The following ENPP2 variants were observed in gnomAD, a reference collection of about 807,000 sequenced individuals.
ENPP2 encodes ectonucleotide pyrophosphatase/phosphodiesterase 2.
In ENPP2, 51 loss-of-function variants were observed where a neutral mutation model predicts 120.2. The observed-to-expected ratio is 0.42, with a 90% confidence interval of 0.34 to 0.54. ENPP2 has a LOEUF of 0.54. Ranked by LOEUF, ENPP2 falls within the 20% of genes least tolerant of loss-of-function variation. ENPP2 has a pLI of 0.04. For missense variants in ENPP2, 920 were observed against 1,066.5 expected (o/e 0.86, Z 1.91); for synonymous variants, 365 against 366.4 (o/e 1.00, Z 0.04).
intron 9 of ENPP2, among the ~76,000 whole-genome samples, chr8:119,602,440 A>G (rs1473367343): frequency 1.4e-5 from 2 of 146,914 alleles, no homozygotes; most frequent in Middle Eastern, 3.4e-3. Flanking sequence ...CTGGGCAACA[A>G]GAGTGAAACT....
chr8:119,576,417 T>C (rs1205004325), intron 19 of ENPP2, among the ~76,000 whole-genome samples: 3 of 152,192 alleles, frequency 2.0e-5, no homozygotes, highest in Non-Finnish European at 2.9e-5. Flanking sequence ...GGATTACAAG[T>C]GTGAGCCACT....
chr8:119,650,412 G>A (rs990000298), intron 1 of ENPP2, among the ~76,000 whole-genome samples: 15 of 152,202 alleles, frequency 9.9e-5, no homozygotes, highest in Middle Eastern at 3.4e-3. Flanking sequence ...ATGTTTGCAC[G>A]TCTCTGTAAA....
At chr8:119,606,008 G>A (rs760424650) in intron 9 of ENPP2, among the ~76,000 whole-genome samples, 4 of 152,222 alleles carry the variant, frequency 2.6e-5, no homozygotes, top group Non-Finnish European at 4.4e-5. Flanking sequence ...CTAGGTTGCA[G>A]TACGGAACCA....
intron 23 of ENPP2, among the ~76,000 whole-genome samples, 197 bp downstream of exon 23, chr8:119,564,626 C>T (rs553578068): frequency 4.0e-5 from 6 of 151,474 alleles, no homozygotes; most frequent in Non-Finnish European, 7.4e-5. Flanking sequence ...TGCAGTGAGC[C>T]GAGATCACAT....
At chr8:119,666,252 C>T (rs1818065188) in intron 1 of ENPP2, among the ~76,000 whole-genome samples, 1 of 151,998 alleles carries the variant, frequency 6.6e-6, no homozygotes. Context: ...CCACAAAATG[C>T]ATCCATCACT....
intron 24 of ENPP2, among the ~76,000 whole-genome samples, chr8:119,562,304 A>G (rs1196153322): frequency 4.8e-4 from 65 of 136,720 alleles, no homozygotes; most frequent in Middle Eastern, 5.2e-3. Flanking sequence ...TTAGCTGGGC[A>G]TGGTGGTGCC....
chr8:119,574,470 C>A (rs1420309265), intron 19 of ENPP2, among the ~76,000 whole-genome samples: 1 of 151,782 alleles, frequency 6.6e-6, no homozygotes, highest in Non-Finnish European at 1.5e-5. Context: ...CACCCCAGTT[C>A]CCTGTTTACA....
intron 11 of ENPP2, among the ~76,000 whole-genome samples, chr8:119,599,690 A>G (rs1814149230): frequency 6.6e-6 from 1 of 152,178 alleles, no homozygotes; most frequent in Non-Finnish European, 1.5e-5. Context: ...TTCCACAATG[A>G]TGGCTGAGTG....
intron 1 of ENPP2, among the ~76,000 whole-genome samples, chr8:119,651,759 T>C (rs1160827509): frequency 6.6e-6 from 1 of 152,116 alleles, no homozygotes; most frequent in Non-Finnish European, 1.5e-5. Flanking sequence ...ACCAGAACCT[T>C]GGGCATCCTG....
At chr8:119,612,625 C>A (rs1056320493) in intron 8 of ENPP2, among the ~76,000 whole-genome samples, 2 of 152,210 alleles carry the variant, frequency 1.3e-5, no homozygotes, top group Non-Finnish European at 2.9e-5. Flanking sequence ...CAGTTGGGAT[C>A]ACGCCTGTAA....
intron 2 of ENPP2, among the ~76,000 whole-genome samples, chr8:119,628,979 C>T (rs1330636276): frequency 6.6e-6 from 1 of 152,076 alleles, no homozygotes; most frequent in Non-Finnish European, 1.5e-5. Flanking sequence ...CAGGTAGTTG[C>T]CTGGTCTTTT....
At chr8:119,573,408 TAAAA>T (rs35227070) in intron 19 of ENPP2, among the ~76,000 whole-genome samples, 8 of 124,384 alleles carry the variant, frequency 6.4e-5, no homozygotes, top group African/African-American at 2.0e-4. Context: ...CTCCGTCTCT[TAAAA>T]AAAAAAAAAA....
At chr8:119,663,597 G>C (rs112898732) in intron 1 of ENPP2, among the ~76,000 whole-genome samples, 1,770 of 152,092 alleles carry the variant, frequency 0.012, 42 homozygotes, top group African/African-American at 0.04. Context: ...TGCATAACAG[G>C]GATAACCTAA....
chr8:119,580,272 A>G, intron 18 of ENPP2, 105 bp from the exon 19 acceptor site: 4 of 836,058 alleles, frequency 4.8e-6, no homozygotes, highest in Non-Finnish European at 8.3e-6. Flanking sequence ...TCAAAAGCGA[A>G]CTCTAAACTC....
intron 19 of ENPP2, among the ~76,000 whole-genome samples, chr8:119,574,360 G>A (rs113025077): frequency 1.0e-3 from 154 of 151,396 alleles, no homozygotes; most frequent in African/African-American, 3.6e-3. Context: ...CTCTGCTTCT[G>A]CAATATGTTT....
chr8:119,562,276 C>T (rs1380366130), intron 24 of ENPP2, among the ~76,000 whole-genome samples: 2 of 151,920 alleles, frequency 1.3e-5, no homozygotes, highest in Non-Finnish European at 2.9e-5. Flanking sequence ...AACCCCATCT[C>T]TACTAAAAAT....
chr8:119,577,527 G>A (rs944311118), intron 19 of ENPP2, among the ~76,000 whole-genome samples: 4 of 152,224 alleles, frequency 2.6e-5, no homozygotes, highest in Non-Finnish European at 4.4e-5. Context: ...ACAGCGATAG[G>A]AGAGAGCAAC....
At chr8:119,663,336 T>C (rs548208801) in intron 1 of ENPP2, among the ~76,000 whole-genome samples, 1 of 152,228 alleles carries the variant, frequency 6.6e-6, no homozygotes, top group Non-Finnish European at 1.5e-5. Context: ...TATCGAAAAA[T>C]TATTAAGACT....
Position 119,669,074 on chromosome 8 carries a change from G to T in ENPP2, c.21+4178C>A, listed in dbSNP as rs1235285453. On this transcript the variant is annotated intron_variant, in intron 1 of 25. Transcript: ENST00000427067. ...TAACTTTTGGACTCCTAATCCTTAT[G>T]CCTTTTCTCTTAGCAAATGGGAGCC... 3.9e-5 allele frequency among the ~76,000 whole-genome samples: 6 copies of T among 152,278 alleles called. No homozygotes were observed. In the South Asian group the frequency reaches 8.3e-4, roughly 21 times the overall value.
Sources: allele counts gnomAD v4.1 joint callset (sites outside exome capture counted in the v4.1 genomes callset), GRCh38; gene constraint gnomAD v4.1.1; transcripts MANE v1.5; gene names NCBI Gene and HGNC (gene_info 2026-07-23, HGNC 2026-07-21).